The following ZFPM2 variants were observed in gnomAD, a reference collection of about 807,000 sequenced individuals.
ZFPM2 encodes the protein zinc finger protein ZFPM2.
A neutral mutation model predicts 98.6 loss-of-function variants in ZFPM2; 20 were observed. That is an observed-to-expected ratio of 0.20 (90% confidence interval 0.14 to 0.29). ZFPM2 has a LOEUF of 0.29. Ranked by LOEUF, ZFPM2 falls within the 10% of genes least tolerant of loss-of-function variation. The probability of loss-of-function intolerance (pLI) is 1.00; values close to 1 mark genes in which losing one functional copy is unlikely to be tolerated. For synonymous variants in ZFPM2, 518 were observed against 502.7 expected (o/e 1.03, Z -0.41); for missense variants, 1,310 against 1,388.6 (o/e 0.94, Z 0.90).
intron 2 of ZFPM2, among the ~76,000 whole-genome samples, chr8:105,423,913 G>A (rs565077548): frequency 1.3e-5 from 2 of 152,278 alleles, no homozygotes; most frequent in African/African-American, 4.8e-5. Flanking sequence ...ATAAATTCCA[G>A]GAGAATGTCA....
At chr8:105,348,003 C>G (rs891982638) in intron 1 of ZFPM2, among the ~76,000 whole-genome samples, 2 of 152,110 alleles carry the variant, frequency 1.3e-5, no homozygotes, top group Non-Finnish European at 2.9e-5. Flanking sequence ...TCCTATCCAG[C>G]TTGAGGACAT....
intron 3 of ZFPM2, among the ~76,000 whole-genome samples, chr8:105,553,362 T>C (rs1449954948): frequency 6.6e-6 from 1 of 152,178 alleles, no homozygotes; most frequent in Non-Finnish European, 1.5e-5. Context: ...TAAATTTGCT[T>C]CTTATATGAT....
intron 1 of ZFPM2, among the ~76,000 whole-genome samples, chr8:105,393,764 CAG>C: frequency 6.6e-6 from 1 of 152,018 alleles, no homozygotes; most frequent in East Asian, 1.9e-4. Context: ...TTAAATGTAA[CAG>C]TGTAAATTGT....
intron 1 of ZFPM2, among the ~76,000 whole-genome samples, chr8:105,385,045 T>C (rs1810956740): frequency 6.6e-6 from 1 of 152,180 alleles, no homozygotes; most frequent in Non-Finnish European, 1.5e-5. Context: ...TCTTGCCCGA[T>C]GTTTCACAGC....
intron 1 of ZFPM2, among the ~76,000 whole-genome samples, chr8:105,391,986 G>A (rs1250112991): frequency 6.6e-6 from 1 of 152,158 alleles, no homozygotes; most frequent in Admixed American, 6.5e-5. Context: ...ATCCATCACA[G>A]AAATCACTGT....
chr8:105,426,676 G>A lies in ZFPM2; in HGVS notation c.199+7374G>A, dbSNP rs537230938. Among the ~76,000 whole-genome samples, 780 of 152,200 alleles carry A rather than the reference G, an allele frequency of 5.1e-3. 8 individuals carry two copies. The highest frequency in any genetic ancestry group is 0.018 in the African/African-American group (729 of 41,524). ...AGGCTAGTGTCCTATAGGCCGGGGC[G>A]GTGGCTCACACCTGTAATCCTAGCA... On this transcript the variant is annotated intron_variant, in intron 2 of 7. Transcript: ENST00000407775.
At chr8:105,621,010 G>A (rs1468282830) in intron 4 of ZFPM2, among the ~76,000 whole-genome samples, 2 of 152,016 alleles carry the variant, frequency 1.3e-5, no homozygotes, top group African/African-American at 2.4e-5. Context: ...TTGGAAATGC[G>A]GGCTCTTTTT....
intron 4 of ZFPM2, among the ~76,000 whole-genome samples, chr8:105,619,400 TGAA>T (rs1284789399): frequency 6.6e-6 from 1 of 152,108 alleles, no homozygotes; most frequent in Non-Finnish European, 1.5e-5. Context: ...GTGAACATCT[TGAA>T]GAAATGTAAC....
At chr8:105,656,824 A>T (rs1367644665) in intron 5 of ZFPM2, among the ~76,000 whole-genome samples, 1 of 152,214 alleles carries the variant, frequency 6.6e-6, no homozygotes, top group Admixed American at 6.5e-5. Flanking sequence ...ATTTACTTGT[A>T]TTCTGATTCC....
chr8:105,660,025 G>T (rs1355885756), intron 5 of ZFPM2, among the ~76,000 whole-genome samples: 4 of 152,228 alleles, frequency 2.6e-5, no homozygotes, highest in Admixed American at 2.6e-4. Context: ...GAAAAAGAAA[G>T]ATAAACACTT....
Position 105,801,846 on chromosome 8 carries a change from A to G in ZFPM2, c.1764A>G (p.Ser588=), listed in dbSNP as rs1814029267. Residue 588 remains serine, a synonymous_variant, in exon 8 of 8, where the codon TCA becomes TCG. Coordinates refer to ENST00000407775, the MANE Select transcript of ZFPM2 (RefSeq NM_012082.4). The part of the protein sequence containing the change: ...MAKSPEFPSV[S]EKMPEALSPN... Reference sequence around the variant, plus strand: ...AGTCCCCAGAGTTCCCTAGTGTGTCAGAAAAGATGCCTGAAGCTTTGAGTC... The same window carrying G: ...AGTCCCCAGAGTTCCCTAGTGTGTCGGAAAAGATGCCTGAAGCTTTGAGTC... 4.3e-6 allele frequency: 7 copies of G among 1,613,996 alleles called. No homozygotes were observed. In the East Asian group the frequency reaches 1.6e-4, roughly 36 times the overall value.
intron 5 of ZFPM2, among the ~76,000 whole-genome samples, chr8:105,785,463 C>T (rs1209053847): frequency 1.8e-5 from 2 of 109,464 alleles, no homozygotes; most frequent in Non-Finnish European, 3.5e-5. Flanking sequence ...GCCACTGACC[C>T]TAAGTTTCCT....
intron 4 of ZFPM2, among the ~76,000 whole-genome samples, chr8:105,628,538 C>T (rs190207435): frequency 6.6e-6 from 1 of 152,266 alleles, no homozygotes; most frequent in Non-Finnish European, 1.5e-5. Context: ...TTTCCTCAAC[C>T]ACCTACACTG....
At chr8:105,566,229 G>T (rs1345938039) in intron 4 of ZFPM2, among the ~76,000 whole-genome samples, 1 of 152,088 alleles carries the variant, frequency 6.6e-6, no homozygotes, top group Non-Finnish European at 1.5e-5. Flanking sequence ...GCACTACCTT[G>T]CAAGTTTCAG....
chr8:105,498,078 G>A (rs1157972308), intron 3 of ZFPM2, among the ~76,000 whole-genome samples: 3 of 151,122 alleles, frequency 2.0e-5, no homozygotes, highest in Admixed American at 6.6e-5. Flanking sequence ...CATGCTTGTG[G>A]TACCAGTTAC....
chr8:105,736,888 A>G (rs1435366925), intron 5 of ZFPM2, among the ~76,000 whole-genome samples: 1 of 152,094 alleles, frequency 6.6e-6, no homozygotes, highest in African/African-American at 2.4e-5. Flanking sequence ...CAGATAAAAT[A>G]TCAGTTTCTC....
intron 5 of ZFPM2, among the ~76,000 whole-genome samples, chr8:105,705,357 G>A (rs545756031): frequency 4.6e-5 from 7 of 152,146 alleles, no homozygotes; most frequent in South Asian, 2.1e-4. Context: ...AATATATAAC[G>A]TGTCATTCAT....
intron 3 of ZFPM2, among the ~76,000 whole-genome samples, chr8:105,488,914 G>A (rs907328303): frequency 6.6e-6 from 1 of 152,036 alleles, no homozygotes; most frequent in Non-Finnish European, 1.5e-5. Context: ...CGATCTGTCC[G>A]GGTCCATTAT....
At chr8:105,563,730 G>A (rs1486407028) in intron 4 of ZFPM2, among the ~76,000 whole-genome samples, 1 of 152,020 alleles carries the variant, frequency 6.6e-6, no homozygotes, top group African/African-American at 2.4e-5. Flanking sequence ...TATTTTATCT[G>A]GGAGTTTCTG....
Sources: allele counts gnomAD v4.1 joint callset (sites outside exome capture counted in the v4.1 genomes callset), GRCh38; gene constraint gnomAD v4.1.1; transcripts MANE v1.5; gene names NCBI Gene and HGNC (gene_info 2026-07-23, HGNC 2026-07-21).